The following OSBPL10 variants were observed in gnomAD, a reference collection of about 807,000 sequenced individuals.
OSBPL10 encodes the protein oxysterol-binding protein-related protein 10.
In OSBPL10, 49 loss-of-function variants were observed where a neutral mutation model predicts 81.7. The ratio of observed to expected loss-of-function variants is 0.60; its 90% CI spans 0.48 to 0.76. OSBPL10 has a LOEUF of 0.76. OSBPL10 is among the 30% of genes least tolerant of loss of function. The pLI is 0.00. For missense variants in OSBPL10, 923 were observed against 987.8 expected, an observed-to-expected ratio of 0.93 and a Z score of 0.88; for synonymous variants, 419 against 383.6, an observed-to-expected ratio of 1.09 and a Z score of -1.08.
intron 4 of OSBPL10, among the ~76,000 whole-genome samples, chr3:31,815,233 G>GC (rs869170137): frequency 6.7e-6 from 1 of 150,106 alleles, no homozygotes; most frequent in African/African-American, 2.5e-5. Context: ...TGCTCTTCCC[G>GC]CCCCCCAATA....
In OSBPL10 at chr3:31,830,079, G is replaced by A; in HGVS notation, c.690C>T (p.Ala230=). 1 of 1,613,970 alleles carries A rather than the reference G, an allele frequency of 6.2e-7. No individual in the cohort carries two copies. The change falls in exon 4 of 12, where the codon GCC becomes GCT. Residue 230 remains alanine (A), a synonymous_variant. Coordinates refer to ENST00000396556, the MANE Select transcript of OSBPL10 (RefSeq NM_017784.5). ...HHKSPAAARR[A]KSQYSGQLHE... ...GAAGCTGGCCGGAATACTGACTCTTGGCTCTTCGGGCGGCTGCAGGCGACT... is the reference window on the plus strand; with the variant it reads ...GAAGCTGGCCGGAATACTGACTCTTAGCTCTTCGGGCGGCTGCAGGCGACT...
chr3:31,812,718 A>AAAAGAAAGAAAAG (rs1699715008), intron 4 of OSBPL10, among the ~76,000 whole-genome samples: 1 of 41,922 alleles, frequency 2.4e-5, no homozygotes, highest in Admixed American at 4.4e-4. Flanking sequence ...TAGGCAAAAA[A>AAAAGAAAGAAAAG]AAAGAAAGAA....
chr3:31,995,828 C>A (rs1046216204), intron 2 of OSBPL10, among the ~76,000 whole-genome samples: 9 of 152,166 alleles, frequency 5.9e-5, no homozygotes, highest in Non-Finnish European at 1.5e-5. Flanking sequence ...TAAAGAGCCA[C>A]AGGAAGTCCC....
intron 4 of OSBPL10, among the ~76,000 whole-genome samples, chr3:31,826,574 C>T (rs1380011247): frequency 6.6e-6 from 1 of 152,206 alleles, no homozygotes; most frequent in Non-Finnish European, 1.5e-5. Context: ...GATATTCAGG[C>T]ACATCTGTCT....
intron 1 of OSBPL10, among the ~76,000 whole-genome samples, chr3:31,947,495 A>G (rs1340774524): frequency 6.6e-6 from 1 of 152,172 alleles, no homozygotes; most frequent in Non-Finnish European, 1.5e-5. Flanking sequence ...GGCAGATCTT[A>G]CACCAACATC....
At chr3:31,836,672 A>G (rs1312601856) in intron 3 of OSBPL10, among the ~76,000 whole-genome samples, 1 of 152,054 alleles carries the variant, frequency 6.6e-6, no homozygotes, top group Admixed American at 6.5e-5. Flanking sequence ...GTCCTTGGGC[A>G]TCTGACCCCC....
intron 4 of OSBPL10, among the ~76,000 whole-genome samples, chr3:31,818,134 C>CA (rs1699891972): frequency 6.6e-6 from 1 of 151,988 alleles, no homozygotes; most frequent in Non-Finnish European, 1.5e-5. Flanking sequence ...AAAACACCCT[C>CA]ACATGTTTCT....
chr3:32,066,152 G>C (rs1168161477), intron 1 of OSBPL10, among the ~76,000 whole-genome samples: 2 of 49,974 alleles, frequency 4.0e-5, no homozygotes, highest in Non-Finnish European at 5.3e-5. Context: ...AAGAAAGGAA[G>C]AAAGGAAGAA....
intron 1 of OSBPL10, among the ~76,000 whole-genome samples, chr3:31,933,406 ATT>A (rs372720220): frequency 0.21 from 31,268 of 148,244 alleles, 3,732 homozygotes; most frequent in Non-Finnish European, 0.28. Flanking sequence ...GAAACAATAA[ATT>A]TTTTTTTTTT....
chr3:31,727,556 T>C (rs759200423), intron 6 of OSBPL10, among the ~76,000 whole-genome samples: 2 of 152,206 alleles, frequency 1.3e-5, no homozygotes, highest in Non-Finnish European at 2.9e-5. Flanking sequence ...AGCAACCATT[T>C]GGAGTTAAAC....
chr3:32,039,398 T>A (rs1264828405), intron 2 of OSBPL10, among the ~76,000 whole-genome samples: 1 of 149,744 alleles, frequency 6.7e-6, no homozygotes, highest in Non-Finnish European at 1.5e-5. Flanking sequence ...GGCTCATGCC[T>A]ATAATCCCAG....
In OSBPL10 at chr3:31,665,314, G is replaced by A. The variant is rs530950041; in HGVS notation, c.2097-1082C>T. ...GGATTTCACAGACAAGGAACTGTCCGAATGCCAGGTGGTGGAGATTCCCTC... is the reference window on the plus strand; with the variant it reads ...GGATTTCACAGACAAGGAACTGTCCAAATGCCAGGTGGTGGAGATTCCCTC... On this transcript the variant is annotated intron_variant, in intron 10 of 11. Transcript: ENST00000396556. 6.6e-5 allele frequency among the ~76,000 whole-genome samples: 10 copies of A among 152,298 alleles called. No homozygotes were observed. In the East Asian group the frequency reaches 7.7e-4, roughly 12 times the overall value.
At chr3:31,682,715 C>G (rs1008333979) in intron 8 of OSBPL10, among the ~76,000 whole-genome samples, 1 of 152,196 alleles carries the variant, frequency 6.6e-6, no homozygotes. Flanking sequence ...ATTTTATTTA[C>G]TTATTTATTT....
chr3:31,853,015 G>A (rs1700807862), intron 3 of OSBPL10, among the ~76,000 whole-genome samples: 1 of 152,178 alleles, frequency 6.6e-6, no homozygotes, highest in South Asian at 2.1e-4. Flanking sequence ...AATGCCTACT[G>A]CCCAATGCAA....
intron 1 of OSBPL10, among the ~76,000 whole-genome samples, chr3:31,962,758 G>A (rs1334765679): frequency 6.6e-6 from 1 of 152,228 alleles, no homozygotes; most frequent in Non-Finnish European, 1.5e-5. Context: ...GTCTAGGGGA[G>A]CAAATCCAAA....
intron 1 of OSBPL10, among the ~76,000 whole-genome samples, chr3:32,048,392 C>G (rs1030779585): frequency 6.6e-6 from 1 of 151,170 alleles, no homozygotes; most frequent in Non-Finnish European, 1.5e-5. Context: ...ACTGCAACAT[C>G]TGCCTTCCTG....
chr3:31,747,784 T>TA, intron 5 of OSBPL10, 126 bp downstream of exon 5: 1 of 965,616 alleles, frequency 1.0e-6, no homozygotes, highest in Non-Finnish European at 1.6e-6. Context: ...GCAGTAGAAA[T>TA]ACTTGGATAT....
intron 2 of OSBPL10, among the ~76,000 whole-genome samples, chr3:31,996,016 A>G (rs1699087394): frequency 6.6e-6 from 1 of 152,162 alleles, no homozygotes. Flanking sequence ...AATGAAACTC[A>G]AAAAAAGGAG....
chr3:31,676,705 T>A (rs1319963483), intron 8 of OSBPL10, among the ~76,000 whole-genome samples: 1 of 152,192 alleles, frequency 6.6e-6, no homozygotes, highest in Non-Finnish European at 1.5e-5. Context: ...TAACTGTTTT[T>A]CCCCACAGAC....
Sources: gnomAD v4.1 joint callset for allele counts (sites outside exome capture counted in the v4.1 genomes callset) on GRCh38, gnomAD v4.1.1 for gene constraint, MANE v1.5 for transcripts, NCBI Gene and HGNC (gene_info 2026-07-23, HGNC 2026-07-21) for gene names.